NWD2: variants seen among roughly 807,000 people sequenced by gnomAD.
NWD2 encodes the protein NACHT and WD repeat domain-containing protein 2.
NWD2 carries 37 observed loss-of-function variants against 132.7 expected under a neutral mutation model. The ratio of observed to expected loss-of-function variants is 0.28; its 90% CI spans 0.21 to 0.37. The LOEUF (loss-of-function observed/expected upper bound fraction) is 0.37. Ranked by LOEUF, NWD2 falls within the 10% of genes least tolerant of loss-of-function variation. NWD2 has a pLI of 1.00. For synonymous variants in NWD2, 705 were observed against 803.0 expected (o/e 0.88, Z 2.06); for missense variants, 1,592 against 2,122.4 (o/e 0.75, Z 4.91).
chr4:37,251,513 C>T (rs1401335363), intron 1 of NWD2, among the ~76,000 whole-genome samples: 4 of 152,270 alleles, frequency 2.6e-5, no homozygotes, highest in South Asian at 2.1e-4. Context: ...AAAGCTGCCA[C>T]CCAGAGGGCA....
chr4:37,390,694 C>A lies in NWD2; in HGVS notation c.357+34212C>A, dbSNP rs139284871. ...AGCCAGGAAAGACCTTTGAGATGATCGACTCTCTTAGTTTTGTGCATGAGA... is the reference window on the plus strand; with the variant it reads ...AGCCAGGAAAGACCTTTGAGATGATAGACTCTCTTAGTTTTGTGCATGAGA... On this transcript the variant is annotated intron_variant, in intron 3 of 6. Transcript: ENST00000309447. 9.2e-3 allele frequency among the ~76,000 whole-genome samples: 1,405 copies of A among 152,184 alleles called. 26 individuals carry two copies. The highest frequency in any genetic ancestry group is 0.032 in the African/African-American group (1,326 of 41,508).
intron 1 of NWD2, among the ~76,000 whole-genome samples, chr4:37,296,997 A>C (rs2109274799): frequency 6.6e-6 from 1 of 152,254 alleles, no homozygotes; most frequent in South Asian, 2.1e-4. Context: ...ATAATTTGGG[A>C]TTCACAGAAA....
chr4:37,440,521 A>G (rs923394672), intron 6 of NWD2, among the ~76,000 whole-genome samples: 3 of 152,214 alleles, frequency 2.0e-5, no homozygotes, highest in Admixed American at 6.5e-5. Flanking sequence ...GGGGCATTCT[A>G]TAGGTGGTCC....
intron 5 of NWD2, 38 bp from the exon 6 acceptor site, chr4:37,438,763 G>T (rs1480807159): frequency 2.8e-6 from 4 of 1,416,148 alleles, no homozygotes; most frequent in African/African-American, 2.9e-5. Flanking sequence ...TTGCTCCTTT[G>T]TTCTAAGCAA....
In NWD2 at chr4:37,306,913, A is replaced by G. The variant is rs201483424; in HGVS notation, c.152-19023A>G. On this transcript the variant is annotated intron_variant, in intron 1 of 6. Coordinates refer to ENST00000309447, the MANE Select transcript of NWD2 (RefSeq NM_001144990.2). Reference sequence around the variant, plus strand: ...GTGGCACACGCCTGTATTCACAGCTACTCGGAAGGCTGAGGCAGGAGAATC... The same window carrying G: ...GTGGCACACGCCTGTATTCACAGCTGCTCGGAAGGCTGAGGCAGGAGAATC... Among the ~76,000 whole-genome samples, 6 of 151,836 alleles carry G rather than the reference A, an allele frequency of 4.0e-5. No homozygotes were observed. The East Asian group carries it at 1.2e-3, about 29-fold the overall frequency.
chr4:37,250,159 T>TACACACACAC (rs59150547), intron 1 of NWD2, among the ~76,000 whole-genome samples: 1 of 148,998 alleles, frequency 6.7e-6, no homozygotes, highest in Non-Finnish European at 1.5e-5. Flanking sequence ...TGTGTGTGTA[T>TACACACACAC]ACACACACAC....
chr4:37,435,800 CT>C (rs1712305854), intron 5 of NWD2, among the ~76,000 whole-genome samples: 1 of 152,104 alleles, frequency 6.6e-6, no homozygotes, highest in Admixed American at 6.5e-5. Flanking sequence ...GTGTTTTCTG[CT>C]TGGGGTTATA....
At chr4:37,338,790 A>G (rs917116307) in intron 2 of NWD2, among the ~76,000 whole-genome samples, 1 of 152,172 alleles carries the variant, frequency 6.6e-6, no homozygotes, top group Admixed American at 6.5e-5. Context: ...TGTTGAGCCC[A>G]ATCTCCTTCT....
intron 3 of NWD2, among the ~76,000 whole-genome samples, chr4:37,410,009 C>G (rs1263539693): frequency 6.6e-6 from 1 of 152,140 alleles, no homozygotes; most frequent in East Asian, 1.9e-4. Flanking sequence ...GAAGGAAGCA[C>G]TAAACATGGA....
At chr4:37,398,109 G>A (rs1024337964) in intron 3 of NWD2, among the ~76,000 whole-genome samples, 5 of 152,212 alleles carry the variant, frequency 3.3e-5, no homozygotes, top group South Asian at 2.1e-4. Context: ...ATTGTTCAAA[G>A]CACTCTATTC....
At chr4:37,406,664 G>A (rs1365341348) in intron 3 of NWD2, among the ~76,000 whole-genome samples, 3 of 152,246 alleles carry the variant, frequency 2.0e-5, no homozygotes, top group South Asian at 2.1e-4. Flanking sequence ...TTGGGAGGCC[G>A]AGGTGAGTGG....
At chr4:37,314,335 T>C (rs1426743572) in intron 1 of NWD2, among the ~76,000 whole-genome samples, 1 of 152,216 alleles carries the variant, frequency 6.6e-6, no homozygotes, top group Non-Finnish European at 1.5e-5. Context: ...GTATTCCCTA[T>C]TTTCTGAAAG....
intron 3 of NWD2, 59 bp downstream of exon 3, chr4:37,356,541 C>A: frequency 9.0e-7 from 1 of 1,113,594 alleles, no homozygotes; most frequent in Non-Finnish European, 1.3e-6. Context: ...AGAATTATTG[C>A]TGATTTGTGA....
chr4:37,366,849 A>G (rs1356964999), intron 3 of NWD2, among the ~76,000 whole-genome samples: 3 of 152,172 alleles, frequency 2.0e-5, no homozygotes, highest in Non-Finnish European at 4.4e-5. Flanking sequence ...AAAAATCTTG[A>G]CTAAAAGGAG....
chr4:37,339,609 C>T (rs1008381872), intron 2 of NWD2, among the ~76,000 whole-genome samples: 4 of 152,188 alleles, frequency 2.6e-5, no homozygotes, highest in African/African-American at 4.8e-5. Context: ...CAGGGGACTA[C>T]GTGTCCCCAT....
At chr4:37,390,767 A>G (rs1020906359) in intron 3 of NWD2, among the ~76,000 whole-genome samples, 7 of 152,196 alleles carry the variant, frequency 4.6e-5, no homozygotes, top group African/African-American at 1.7e-4. Flanking sequence ...GTCATACTGT[A>G]ATTAGCAGAG....
At chr4:37,378,016 A>G (rs1176052669) in intron 3 of NWD2, among the ~76,000 whole-genome samples, 4 of 152,178 alleles carry the variant, frequency 2.6e-5, no homozygotes, top group Non-Finnish European at 4.4e-5. Flanking sequence ...ATTGTATACA[A>G]TTATTATTTT....
At chr4:37,395,584 C>CAAAAAAAAAAAAAAAAAA (rs1156884728) in intron 3 of NWD2, among the ~76,000 whole-genome samples, 1 of 18,284 alleles carries the variant, frequency 5.5e-5, no homozygotes, top group Non-Finnish European at 9.7e-5. Flanking sequence ...AACTCTGTCT[C>CAAAAAAAAAAAAAAAAAA]AAAAAAAAAA....
intron 2 of NWD2, among the ~76,000 whole-genome samples, chr4:37,348,461 C>T (rs563921489): frequency 2.6e-5 from 4 of 151,774 alleles, no homozygotes; most frequent in African/African-American, 9.7e-5. Context: ...CCCTACCACC[C>T]TTGGGGACTG....
Sources: gnomAD v4.1 joint callset for allele counts (sites outside exome capture counted in the v4.1 genomes callset) on GRCh38, gnomAD v4.1.1 for gene constraint, MANE v1.5 for transcripts, NCBI Gene and HGNC (gene_info 2026-07-23, HGNC 2026-07-21) for gene names.